PGK1: variants seen among roughly 807,000 people sequenced by gnomAD.
PGK1 encodes phosphoglycerate kinase 1.
A neutral mutation model predicts 26.9 loss-of-function variants in PGK1; 3 were observed. That is an observed-to-expected ratio of 0.11 (90% CI 0.05 to 0.29). The LOEUF (loss-of-function observed/expected upper bound fraction) is 0.29. PGK1 is among the 10% of genes least tolerant of loss of function. PGK1 has a pLI of 1.00. For missense variants in PGK1, 270 were observed against 314.7 expected, an observed-to-expected ratio of 0.86 and a Z score of 1.07; for synonymous variants, 125 against 115.3, an observed-to-expected ratio of 1.08 and a Z score of -0.54.
intron 1 of PGK1, chrX:78,106,406 C>T (rs781915029): frequency 2.0e-4 from 147 of 747,263 alleles, no homozygotes; most frequent in Non-Finnish European, 2.3e-4. Context: ...CAGGAAGTTA[C>T]ATGGTTCCCT....
At position 78,127,081 on chromosome X, in the gene PGK1, C is replaced by T. The variant is rs1328282307; in HGVS notation, c.*1251C>T. On this transcript the variant is annotated 3_prime_UTR_variant, in exon 11 of 11. Coordinates refer to ENST00000373316, the MANE Select transcript of PGK1 (RefSeq NM_000291.4). Reference sequence around the variant, plus strand: ...TAACCTTCTTGGGGATTTCTTTTACCTCCTGTGTTAGACTCCTGTTTTCTG... The same window carrying T: ...TAACCTTCTTGGGGATTTCTTTTACTTCCTGTGTTAGACTCCTGTTTTCTG... The T allele has an allele frequency of 8.9e-6, 1 of 112,336 alleles. No homozygotes were observed. The highest frequency in any genetic ancestry group is 1.9e-5 in the Non-Finnish European group (1 of 53,234). The allele number at this position is 112,336 out of a possible 1,213,427, so 9.3% of individuals were successfully genotyped here.
intron 1 of PGK1, among the ~76,000 whole-genome samples, chrX:78,105,768 C>T (rs991510547): frequency 2.7e-5 from 3 of 111,735 alleles, no homozygotes; most frequent in Non-Finnish European, 5.6e-5. Context: ...TACCTGGTTT[C>T]CACATTTCCC....
chrX:78,107,859 T>C (rs1557246379), intron 1 of PGK1, among the ~76,000 whole-genome samples: 1 of 111,265 alleles, frequency 9.0e-6, no homozygotes, highest in Non-Finnish European at 1.9e-5. Flanking sequence ...AATCAGTTTC[T>C]CTGCTTCATT....
At position 78,114,160 on chromosome X, in the gene PGK1, G is replaced by GGT. The variant is rs2078315047; in HGVS notation, c.417+1_417+2dup. On this transcript the variant is annotated frameshift_variant and splice_region_variant. Coordinates refer to ENST00000373316, the MANE Select transcript of PGK1 (RefSeq NM_000291.4). LOFTEE classifies it high-confidence loss of function. ...AGGGAAAAGATGCTTCTGGGAACAA[G>GGT]GTAGGACCTGTGATTTTGACATTAT... 2 of 1,207,016 alleles carry GGT rather than the reference G, an allele frequency of 1.7e-6. No individual in the cohort carries two copies. Among genetic ancestry groups the GGT allele is most frequent in the African/African-American group, 1.8e-5 (1 of 57,079 alleles).
At chrX:78,106,634 C>T (rs1184533269) in intron 1 of PGK1, 2 of 751,322 alleles carry the variant, frequency 2.7e-6, no homozygotes, top group Non-Finnish European at 3.1e-6. Context: ...TCTTCTGGTC[C>T]ACTGGTTTGG....
rs782711429 is a variant in PGK1, at chrX:78,113,896, G to A, written c.269G>A (p.Gly90Asp). The change falls in exon 3 of 11, where the codon GGC (glycine) becomes GAC (aspartate). Residue 90 changes from glycine (G) to aspartate (D), a missense_variant. Gly to Asp is a moderately conservative substitution (Grantham distance 94). Around this residue, in one of 3 missense-constraint regions of PGK1, gnomAD observed 150 missense variants for 154.6 expected, o/e 0.97. Transcript: ENST00000373316. ...GCTGTAGAACTCAAATCTCTGCTGGGCAAGTAAGTGCCAGGCTCTGGTGCT... is the reference window on the plus strand; with the variant it reads ...GCTGTAGAACTCAAATCTCTGCTGGACAAGTAAGTGCCAGGCTCTGGTGCT... ...PVAVELKSLL[G>D]KDVLFLKDCV... The A allele has an allele frequency of 7.4e-6, 9 of 1,211,150 alleles. No individual in the cohort carries two copies. The South Asian group carries it at 1.6e-4, about 21-fold the overall frequency.
chrX:78,127,164 G>C lies in PGK1; in HGVS notation c.*1334G>C, dbSNP rs1179089309. Reference sequence around the variant, plus strand: ...TTTTGTAGAACACAAGACTCTACTAGCTTCCTGAGAAAGGGTGCCTGGGAG... The same window carrying C: ...TTTTGTAGAACACAAGACTCTACTACCTTCCTGAGAAAGGGTGCCTGGGAG... On this transcript the variant is annotated 3_prime_UTR_variant, in exon 11 of 11. Coordinates refer to ENST00000373316, the MANE Select transcript of PGK1 (RefSeq NM_000291.4). 1 of 112,481 alleles carries C rather than the reference G, an allele frequency of 8.9e-6. No individual in the cohort carries two copies. Among genetic ancestry groups the C allele is most frequent in the Non-Finnish European group, 1.9e-5 (1 of 53,305 alleles). The allele number at this position is 112,481 out of a possible 1,213,427, so 9.3% of individuals were successfully genotyped here. A position where few individuals can be genotyped will look rare whatever the true frequency, so the allele number is the denominator to read the frequency against.
rs782017879 is a variant in PGK1, at chrX:78,127,156, C to A, written c.*1326C>A. ...GGTCTACTTTTTGTAGAACACAAGA[C>A]TCTACTAGCTTCCTGAGAAAGGGTG... On this transcript the variant is annotated 3_prime_UTR_variant, in exon 11 of 11. Coordinates refer to ENST00000373316, the MANE Select transcript of PGK1 (RefSeq NM_000291.4). 1.8e-5 allele frequency: 2 copies of A among 112,800 alleles called. No individual in the cohort carries two copies. Among genetic ancestry groups the A allele is most frequent in the South Asian group, 7.2e-4 (2 of 2,785 alleles). The allele number at this position is 112,800 out of a possible 1,213,427, so 9.3% of individuals were successfully genotyped here.
At chrX:78,113,450 T>TA (rs1389642355) in intron 2 of PGK1, among the ~76,000 whole-genome samples, 34 of 112,174 alleles carry the variant, frequency 3.0e-4, no homozygotes, top group African/African-American at 1.1e-3. Flanking sequence ...AGTTCCCAGA[T>TA]ACCAGCCAGG....
At chrX:78,116,898 C>T (rs1265316047) in intron 4 of PGK1, among the ~76,000 whole-genome samples, 6 of 111,417 alleles carry the variant, frequency 5.4e-5, no homozygotes, top group South Asian at 3.7e-4. Context: ...CCTTGCACTT[C>T]GCAGAAAGGC....
At chrX:78,120,516 A>G (rs940040296) in intron 6 of PGK1, among the ~76,000 whole-genome samples, 2 of 108,670 alleles carry the variant, frequency 1.8e-5, no homozygotes, top group Admixed American at 2.0e-4. Context: ...TTTTTCTGAT[A>G]CAGGGTCTCA....
chrX:78,109,065 T>C (rs1557246576), intron 1 of PGK1, among the ~76,000 whole-genome samples: 1 of 111,942 alleles, frequency 8.9e-6, no homozygotes, highest in Non-Finnish European at 1.9e-5. Flanking sequence ...TTCAGAATAA[T>C]TGGTTCTTAA....
intron 6 of PGK1, 80 bp downstream of exon 6, chrX:78,118,250 A>G: frequency 4.9e-6 from 5 of 1,026,054 alleles, no homozygotes; most frequent in Non-Finnish European, 6.9e-6. Context: ...TTATTGTCAT[A>G]TAGCTCAGTC....
intron 6 of PGK1, among the ~76,000 whole-genome samples, chrX:78,118,777 T>C (rs1447081928): frequency 9.1e-6 from 1 of 110,430 alleles, no homozygotes; most frequent in Non-Finnish European, 1.9e-5. Flanking sequence ...TGGAGAGAGC[T>C]ATCTGATGGG....
chrX:78,106,441 C>T, intron 1 of PGK1: 1 of 745,905 alleles, frequency 1.3e-6, no homozygotes, highest in Non-Finnish European at 1.6e-6. Flanking sequence ...TTCTTTTGAA[C>T]AGAGAGTCAC....
At position 78,110,436 on chromosome X, in the gene PGK1, A is replaced by C. The variant is rs899586873; in HGVS notation, c.116+519A>C. 1.1e-4 allele frequency among the ~76,000 whole-genome samples: 12 copies of C among 110,280 alleles called. No individual in the cohort carries two copies. The Admixed American group carries it at 1.2e-3, about 11-fold the overall frequency. On this transcript the variant is annotated intron_variant, in intron 2 of 10. Transcript: ENST00000373316. ...TGGCTTCCTAAAGTGCTGGGACCAC[A>C]GGTGTAAGCCCCCATACCTGGCAGA...
Position 78,124,866 on chromosome X carries a change from C to G in PGK1, c.937-8C>G. On this transcript the variant is annotated splice_region_variant and splice_polypyrimidine_tract_variant and intron_variant, in intron 8 of 10. Coordinates refer to ENST00000373316, the MANE Select transcript of PGK1 (RefSeq NM_000291.4). ...TAGCTCATCTTCTCTTTCACCTCTA[C>G]CCCTCAGGGCTTGGACTGTGGTCCT... 1 of 1,200,844 alleles carries G rather than the reference C, an allele frequency of 8.3e-7. No individual in the cohort carries two copies.
At chrX:78,105,996 C>T (rs1461755816) in intron 1 of PGK1, among the ~76,000 whole-genome samples, 6 of 112,218 alleles carry the variant, frequency 5.3e-5, no homozygotes, top group African/African-American at 1.9e-4. Flanking sequence ...GATGCATGGA[C>T]CAACTAACAG....
chrX:78,112,699 C>G (rs1462353057), intron 2 of PGK1, among the ~76,000 whole-genome samples: 1 of 111,661 alleles, frequency 9.0e-6, no homozygotes, highest in Non-Finnish European at 1.9e-5. Context: ...CAGGGGTCCC[C>G]AAGATCACCC....
Sources: allele counts gnomAD v4.1 joint callset (sites outside exome capture counted in the v4.1 genomes callset), GRCh38; gene constraint gnomAD v4.1.1; regional missense constraint gnomAD v4.1.1; transcripts MANE v1.5; gene names NCBI Gene and HGNC (gene_info 2026-07-23, HGNC 2026-07-21).